The following PKD2 variants were observed in gnomAD, a reference collection of about 807,000 sequenced individuals.
The protein encoded by PKD2 is polycystin-2.
In PKD2, 48 loss-of-function variants were observed where a neutral mutation model predicts 105.9. The ratio of observed to expected loss-of-function variants is 0.45; its 90% confidence interval spans 0.36 to 0.58. PKD2 has a LOEUF of 0.58. PKD2 is among the 20% of genes least tolerant of loss of function. The pLI is 0.00. For missense variants in PKD2, 1,078 were observed against 1,255.3 expected, an observed-to-expected ratio of 0.86 and a Z score of 2.13; for synonymous variants, 464 against 481.1, an observed-to-expected ratio of 0.96 and a Z score of 0.46.
chr4:88,037,182 C>T (rs1727365143), intron 3 of PKD2, among the ~76,000 whole-genome samples: 1 of 152,000 alleles, frequency 6.6e-6, no homozygotes, highest in Non-Finnish European at 1.5e-5. Context: ...CTGCAGTGAG[C>T]CATGGCCATG....
intron 4 of PKD2, among the ~76,000 whole-genome samples, chr4:88,039,426 A>T (rs2110108286): frequency 1.3e-5 from 2 of 152,290 alleles, no homozygotes; most frequent in African/African-American, 4.8e-5. Flanking sequence ...GCACTTTGGA[A>T]AGCCAAGGCG....
chr4:88,053,690 GTAT>G (rs1432446014), intron 7 of PKD2, among the ~76,000 whole-genome samples: 4 of 151,344 alleles, frequency 2.6e-5, no homozygotes, highest in African/African-American at 9.7e-5. Context: ...ACTTTATCCT[GTAT>G]TTCTCATGCT....
intron 13 of PKD2, among the ~76,000 whole-genome samples, chr4:88,073,137 C>T (rs1200699117): frequency 2.1e-5 from 3 of 142,854 alleles, no homozygotes; most frequent in African/African-American, 5.3e-5. Flanking sequence ...TATCACTTGA[C>T]GCTAGGAGTT....
At chr4:88,060,572 G>A (rs1578144180) in intron 9 of PKD2, among the ~76,000 whole-genome samples, 2 of 151,858 alleles carry the variant, frequency 1.3e-5, no homozygotes, top group African/African-American at 2.4e-5. Flanking sequence ...AGGCCCTTAC[G>A]AAGATTCCTC....
Position 88,007,790 on chromosome 4 carries a change from C to T in PKD2, c.57C>T (p.Pro19=). 8.7e-7 allele frequency: 1 copy of T among 1,154,384 alleles called. No homozygotes were observed. Among genetic ancestry groups the T allele is most frequent in the Non-Finnish European group, 1.1e-6 (1 of 935,530 alleles). 71.5% of individuals were successfully genotyped at this position (1,154,384 alleles called of 1,614,324 possible). A position where few individuals can be genotyped will look rare whatever the true frequency, so the allele number is the denominator to read the frequency against. Residue 19 remains proline (P), a synonymous_variant, in exon 1 of 15, where the codon CCC becomes CCT. Transcript: ENST00000237596. ...PQQPGDAKRP[P]APRAPDPGRL... is the part of the protein sequence containing the mutation. ...AGCCCGGGGACGCCAAGCGGCCGCC[C>T]GCGCCCCGCGCGCCGGACCCGGGCC...
Position 88,055,301 on chromosome 4 carries a change from C to T in PKD2, c.1717-785C>T, listed in dbSNP as rs1433686808. ...ACAATAAATGACAGTTAATATTATG[C>T]AACAAGAATTTCCTGGGGGGTTTTA... On this transcript the variant is annotated intron_variant, in intron 7 of 14. Coordinates refer to ENST00000237596, the MANE Select transcript of PKD2 (RefSeq NM_000297.4). Among the ~76,000 whole-genome samples, 4 of 152,296 alleles carry T rather than the reference C, an allele frequency of 2.6e-5. No homozygotes were observed. The South Asian group carries it at 6.2e-4, about 24-fold the overall frequency.
intron 2 of PKD2, among the ~76,000 whole-genome samples, chr4:88,035,169 G>A (rs1727289822): frequency 2.0e-5 from 3 of 152,218 alleles, no homozygotes; most frequent in South Asian, 4.1e-4. Flanking sequence ...CACATAGCAA[G>A]TAAGGAGCAT....
At chr4:88,031,157 C>T (rs946599471) in intron 2 of PKD2, among the ~76,000 whole-genome samples, 1 of 152,226 alleles carries the variant, frequency 6.6e-6, no homozygotes, top group Admixed American at 6.5e-5. Context: ...GACCAATACT[C>T]TACAGTGTAT....
intron 13 of PKD2, among the ~76,000 whole-genome samples, chr4:88,070,898 G>A (rs1721008897): frequency 6.6e-6 from 1 of 151,882 alleles, no homozygotes; most frequent in South Asian, 2.1e-4. Context: ...GCCTCCCAAA[G>A]TGCTGGGGTC....
intron 1 of PKD2, among the ~76,000 whole-genome samples, chr4:88,016,958 T>A (rs1170883421): frequency 6.7e-6 from 1 of 150,074 alleles, no homozygotes; most frequent in Non-Finnish European, 1.5e-5. Context: ...AGAGTGAGAC[T>A]CTGTCTCAAA....
intron 2 of PKD2, among the ~76,000 whole-genome samples, chr4:88,033,014 C>T (rs1256341600): frequency 6.6e-6 from 1 of 152,130 alleles, no homozygotes; most frequent in African/African-American, 2.4e-5. Context: ...TTAGCTGCCA[C>T]CTGCATGGGC....
rs1253816802 is a variant in PKD2 at position 88,077,222 on chromosome 4, C to T, written c.*1528C>T. On this transcript the variant is annotated 3_prime_UTR_variant, in exon 15 of 15. Coordinates refer to ENST00000237596, the MANE Select transcript of PKD2 (RefSeq NM_000297.4). ...AACTGGTAGAATGTCAGTCCAATCT[C>T]CAATGAGAACATGAGCAAATAGACC... 1 of 152,620 alleles carries T rather than the reference C, an allele frequency of 6.6e-6. No homozygotes were observed. Among genetic ancestry groups the T allele is most frequent in the Non-Finnish European group, 1.5e-5 (1 of 68,032 alleles). 9.5% of individuals were successfully genotyped at this position (152,620 alleles called of 1,614,324 possible). A position where few individuals can be genotyped will look rare whatever the true frequency, so the allele number is the denominator to read the frequency against.
At chr4:88,027,939 A>G (rs1039342396) in intron 2 of PKD2, among the ~76,000 whole-genome samples, 1 of 152,314 alleles carries the variant, frequency 6.6e-6, no homozygotes, top group African/African-American at 2.4e-5. Flanking sequence ...AGCCATTCAG[A>G]ACTGTGAGTC....
chr4:88,041,250 G>A (rs185814209), intron 4 of PKD2, among the ~76,000 whole-genome samples: 1 of 152,220 alleles, frequency 6.6e-6, no homozygotes, highest in East Asian at 1.9e-4. Context: ...ACCAAGTTCT[G>A]CTGGCAGTCA....
At chr4:88,027,437 T>A (rs982775015) in intron 2 of PKD2, among the ~76,000 whole-genome samples, 1 of 152,218 alleles carries the variant, frequency 6.6e-6, no homozygotes, top group Non-Finnish European at 1.5e-5. Flanking sequence ...TGGGAACATA[T>A]ACCCAATGCC....
At chr4:88,075,381 C>A in intron 14 of PKD2, 77 bp from the exon 15 acceptor site, 1 of 1,030,090 alleles carries the variant, frequency 9.7e-7, no homozygotes, top group Non-Finnish European at 1.5e-6. Flanking sequence ...TACCAAACTA[C>A]AGATTATTTG....
chr4:88,051,089 G>C (rs1182371698), intron 6 of PKD2, among the ~76,000 whole-genome samples: 1 of 152,210 alleles, frequency 6.6e-6, no homozygotes, highest in African/African-American at 2.4e-5. Context: ...ACATTTAGTG[G>C]TGATGGATGC....
At chr4:88,048,435 A>G (rs536723049) in intron 6 of PKD2, among the ~76,000 whole-genome samples, 1 of 152,200 alleles carries the variant, frequency 6.6e-6, no homozygotes, top group Non-Finnish European at 1.5e-5. Context: ...AAAAAGAACT[A>G]CATGGCCATA....
rs140877768 is a variant in PKD2, at chr4:88,051,774, G to A, written c.1549-217G>A. On this transcript the variant is annotated intron_variant, in intron 6 of 14. Coordinates refer to ENST00000237596, the MANE Select transcript of PKD2 (RefSeq NM_000297.4). ...CATGCCTTCGTTGAGTTTCTATTCCGAACTAAGGAAATGCAAGCAATATAC... is the reference window on the plus strand; with the variant it reads ...CATGCCTTCGTTGAGTTTCTATTCCAAACTAAGGAAATGCAAGCAATATAC... 8.2e-4 allele frequency among the ~76,000 whole-genome samples: 125 copies of A among 152,192 alleles called. 1 individual carries two copies. The highest frequency in any genetic ancestry group is 2.8e-3 in the African/African-American group (115 of 41,518).
Sources: allele counts gnomAD v4.1 joint callset (sites outside exome capture counted in the v4.1 genomes callset), GRCh38; gene constraint gnomAD v4.1.1; transcripts MANE v1.5; gene names NCBI Gene and HGNC (gene_info 2026-07-23, HGNC 2026-07-21).